ZNF282: variants seen among roughly 807,000 people sequenced by gnomAD.
The protein encoded by ZNF282 is zinc finger protein 282, also known as HTLV-I U5 repressive element-binding protein 1.
In ZNF282, 30 loss-of-function variants were observed where a neutral mutation model predicts 61.9. That is an observed-to-expected ratio of 0.48 (90% CI 0.36 to 0.66). The LOEUF (loss-of-function observed/expected upper bound fraction) is 0.66. Among genes scored for constraint, ZNF282 ranks in the 30% least tolerant of loss-of-function variants. The pLI is 0.00. For missense variants in ZNF282, 788 were observed against 941.4 expected (o/e 0.84, Z 2.13); for synonymous variants, 396 against 405.0 (o/e 0.98, Z 0.27).
At chr7:149,197,846 G>C (rs1041791441) in intron 1 of ZNF282, among the ~76,000 whole-genome samples, 3 of 152,230 alleles carry the variant, frequency 2.0e-5, no homozygotes, top group African/African-American at 7.2e-5. Flanking sequence ...GGAGTGACCA[G>C]CTGCCTCCCT....
intron 7 of ZNF282, among the ~76,000 whole-genome samples, chr7:149,221,725 C>G (rs771578545): frequency 6.6e-6 from 1 of 152,144 alleles, no homozygotes; most frequent in Non-Finnish European, 1.5e-5. Context: ...AGATGGTTCT[C>G]TGCCAGGCCA....
intron 7 of ZNF282, among the ~76,000 whole-genome samples, chr7:149,216,807 C>T (rs80024658): frequency 0.011 from 1,680 of 152,236 alleles, 14 homozygotes; most frequent in South Asian, 0.022. Flanking sequence ...AACTGGTATC[C>T]GTTTGACTCA....
intron 4 of ZNF282, among the ~76,000 whole-genome samples, chr7:149,209,780 A>T (rs1045919412): frequency 2.0e-5 from 3 of 152,146 alleles, no homozygotes; most frequent in African/African-American, 7.2e-5. Context: ...CCATCAGAAG[A>T]AAAGGCCCTG....
intron 1 of ZNF282, among the ~76,000 whole-genome samples, chr7:149,197,275 C>T (rs1795832909): frequency 6.6e-6 from 1 of 152,244 alleles, no homozygotes; most frequent in African/African-American, 2.4e-5. Flanking sequence ...TTTTCTTTCT[C>T]TTGGTCCTCT....
At chr7:149,223,704 A>G in intron 7 of ZNF282, 108 bp from the exon 8 acceptor site, 1 of 1,192,362 alleles carries the variant, frequency 8.4e-7, no homozygotes, top group Non-Finnish European at 1.1e-6. Context: ...CCTCGTAGTT[A>G]GTGGAACTGA....
At chr7:149,217,997 G>C (rs1042210893) in intron 7 of ZNF282, among the ~76,000 whole-genome samples, 6 of 151,516 alleles carry the variant, frequency 4.0e-5, no homozygotes, top group African/African-American at 1.5e-4. Flanking sequence ...AATCCCAGCT[G>C]CTCGGGAGGC....
At position 149,225,464 on chromosome 7, in the gene ZNF282, T is replaced by G. The variant is rs1796353868; in HGVS notation, c.*817T>G. 1 of 152,274 alleles carries G rather than the reference T, an allele frequency of 6.6e-6. No individual in the cohort carries two copies. Among genetic ancestry groups the G allele is most frequent in the Admixed American group, 6.5e-5 (1 of 15,282 alleles). The allele number at this position is 152,274 out of a possible 1,614,324, so 9.4% of individuals were successfully genotyped here. A position where few individuals can be genotyped will look rare whatever the true frequency, so the allele number is the denominator to read the frequency against. ...CAGGTTGTACATTCAGAGGGCTCTT[T>G]CTCCATGGGAGCTCCTGGTGCCGCC... is the stretch of plus-strand genomic sequence containing the variant. On this transcript the variant is annotated 3_prime_UTR_variant, in exon 8 of 8. Transcript: ENST00000610704.
chr7:149,199,199 T>C (rs1795870923), intron 2 of ZNF282, among the ~76,000 whole-genome samples: 1 of 152,294 alleles, frequency 6.6e-6, no homozygotes, highest in African/African-American at 2.4e-5. Context: ...GGGGCCCTTC[T>C]TAAAGTTCAG....
intron 2 of ZNF282, among the ~76,000 whole-genome samples, chr7:149,200,741 A>T (rs1795895347): frequency 6.6e-6 from 1 of 152,092 alleles, no homozygotes; most frequent in Admixed American, 6.6e-5. Flanking sequence ...GATTACAGGC[A>T]TCTGCCACCA....
chr7:149,206,905 A>AG (rs1201350683), intron 3 of ZNF282, 83 bp downstream of exon 3: 1 of 1,543,248 alleles, frequency 6.5e-7, no homozygotes, highest in Non-Finnish European at 8.7e-7. Flanking sequence ...AGCACCGCCT[A>AG]GGCAGGTTGT....
At chr7:149,220,186 A>C (rs58692224) in intron 7 of ZNF282, among the ~76,000 whole-genome samples, 18,344 of 152,004 alleles carry the variant, frequency 0.12, 1,860 homozygotes, top group African/African-American at 0.29. Context: ...AGACGGGCGG[A>C]TCCTGAGGTC....
Position 149,224,284 on chromosome 7 carries a change from C to T in ZNF282, c.1653C>T (p.Cys551=), listed in dbSNP as rs778420181. 4 of 1,612,952 alleles carry T rather than the reference C, an allele frequency of 2.5e-6. No individual in the cohort carries two copies. The highest frequency in any genetic ancestry group is 3.4e-6 in the Non-Finnish European group (4 of 1,179,874). The change falls in exon 8 of 8, where the codon TGC becomes TGT. Residue 551 remains cysteine, a synonymous_variant. Transcript: ENST00000610704. The part of the protein sequence containing the change: ...TKERPYECAE[C]EKSFNCHSGL... ...AGCGGCCCTACGAGTGCGCTGAGTGCGAGAAGAGCTTCAACTGCCACTCGG... is the reference window on the plus strand; with the variant it reads ...AGCGGCCCTACGAGTGCGCTGAGTGTGAGAAGAGCTTCAACTGCCACTCGG...
At chr7:149,203,632 T>C (rs1795948322) in intron 2 of ZNF282, among the ~76,000 whole-genome samples, 1 of 152,234 alleles carries the variant, frequency 6.6e-6, no homozygotes, top group Non-Finnish European at 1.5e-5. Flanking sequence ...GCTGGGATTA[T>C]AGGCTTGAGC....
At chr7:149,195,942 G>A (rs1795809121) in intron 1 of ZNF282, among the ~76,000 whole-genome samples, 188 bp downstream of exon 1, 1 of 148,932 alleles carries the variant, frequency 6.7e-6, no homozygotes, top group Admixed American at 6.7e-5. Flanking sequence ...CGGGCCCGAC[G>A]CAGGCCCGGA....
chr7:149,211,106 A>G (rs1333277017), intron 5 of ZNF282, among the ~76,000 whole-genome samples: 1 of 152,120 alleles, frequency 6.6e-6, no homozygotes, highest in Non-Finnish European at 1.5e-5. Flanking sequence ...ACAAGTATTT[A>G]TGGGCTGCTA....
chr7:149,216,400 C>T (rs1158464031), intron 7 of ZNF282, among the ~76,000 whole-genome samples: 6 of 152,152 alleles, frequency 3.9e-5, no homozygotes, highest in African/African-American at 1.2e-4. Flanking sequence ...AGGCCCAGCC[C>T]GTTATTTTAT....
intron 7 of ZNF282, among the ~76,000 whole-genome samples, chr7:149,217,105 A>G (rs1255985570): frequency 6.6e-6 from 1 of 152,230 alleles, no homozygotes; most frequent in Non-Finnish European, 1.5e-5. Context: ...ATGACGTGAA[A>G]GCACCCTCTT....
Position 149,225,048 on chromosome 7 carries a change from G to A in ZNF282, c.*401G>A. On this transcript the variant is annotated 3_prime_UTR_variant, in exon 8 of 8. Coordinates refer to ENST00000610704, the MANE Select transcript of ZNF282 (RefSeq NM_003575.4). ...CCCTGAAAAAAAGCGAAGGCCGAGG[G>A]ATGTGCTAAGGGTAACACCTTCATG... 4.1e-6 allele frequency: 1 copy of A among 241,110 alleles called. No homozygotes were observed. Among genetic ancestry groups the A allele is most frequent in the Non-Finnish European group, 8.1e-6 (1 of 123,922 alleles). 14.9% of individuals were successfully genotyped at this position (241,110 alleles called of 1,614,324 possible).
rs1585576838 is a variant in ZNF282 at position 149,221,249 on chromosome 7, C to T, written c.1181-2563C>T. On this transcript the variant is annotated intron_variant, in intron 7 of 7. Transcript: ENST00000610704. ...GTGCAGTTTTTCAGCTGCCTGAGTGCAGTCACAGGACTGGAGTTCTCCAGG... is the reference window on the plus strand; with the variant it reads ...GTGCAGTTTTTCAGCTGCCTGAGTGTAGTCACAGGACTGGAGTTCTCCAGG... Among the ~76,000 whole-genome samples the T allele has an allele frequency of 4.6e-5, 7 of 152,308 alleles. No homozygotes were observed. The South Asian group carries it at 1.4e-3, about 32-fold the overall frequency.
Sources: gnomAD v4.1 joint callset for allele counts (sites outside exome capture counted in the v4.1 genomes callset) on GRCh38, gnomAD v4.1.1 for gene constraint, MANE v1.5 for transcripts, NCBI Gene and HGNC (gene_info 2026-07-23, HGNC 2026-07-21) for gene names.